The following ZNF287 variants were observed in gnomAD, a reference collection of about 807,000 sequenced individuals.
The protein encoded by ZNF287 is zinc finger protein 287.
ZNF287 carries 31 observed loss-of-function variants against 73.7 expected under a neutral mutation model. The ratio of observed to expected loss-of-function variants is 0.42; its 90% confidence interval spans 0.32 to 0.57. The LOEUF is 0.57. Among genes scored for constraint, ZNF287 ranks in the 20% least tolerant of loss-of-function variants. The pLI, the probability that ZNF287 is intolerant of heterozygous loss-of-function variation, is 0.13. For missense variants in ZNF287, 641 were observed against 909.3 expected (o/e 0.70, Z 3.79); for synonymous variants, 301 against 307.2 (o/e 0.98, Z 0.21).
intron 3 of ZNF287, among the ~76,000 whole-genome samples, chr17:16,564,123 A>T (rs1907610183): frequency 6.6e-6 from 1 of 152,202 alleles, no homozygotes; most frequent in South Asian, 2.1e-4. Context: ...TTTAAAAGAG[A>T]CAGAGTCTCG....
rs1298592273 is a variant in ZNF287, at chr17:16,547,246, A to T, written c.*4610T>A. On this transcript the variant is annotated 3_prime_UTR_variant, in exon 6 of 6. Coordinates refer to ENST00000395825, the MANE Select transcript of ZNF287 (RefSeq NM_020653.4). ...GCCTTAAGAGATGTGATGGGAAAGG[A>T]GGGCTATTAGCTTATAAACACCGTA... 6.6e-6 allele frequency among the ~76,000 whole-genome samples: 1 copy of T among 152,196 alleles called. No individual in the cohort carries two copies. The highest frequency in any genetic ancestry group is 2.4e-5 in the African/African-American group (1 of 41,452).
rs779824631 is a variant in ZNF287 at position 16,552,751 on chromosome 17, C to G, written c.1391G>C (p.Arg464Pro). 1 of 1,613,922 alleles carries G rather than the reference C, an allele frequency of 6.2e-7. No individual in the cohort carries two copies. Among genetic ancestry groups the G allele is most frequent in the African/African-American group, 1.3e-5 (1 of 74,878 alleles). Reference protein sequence around the residue: ...CDDCGKDFSQRAHLTIHQRTH... With the variant: ...CDDCGKDFSQPAHLTIHQRTH... ...CCTTTGATGGATGGTAAGGTGTGCA[C>G]GCTGACTGAAGTCTTTCCCACAGTC... The change falls in exon 6 of 6, where the codon CGT becomes CCT. Residue 464 changes from arginine to proline, a missense_variant. Arg to Pro is a moderately radical substitution (Grantham distance 103). Around this residue, in one of 2 missense-constraint regions of ZNF287, gnomAD observed 284 missense variants for 466.8 expected, o/e 0.61. Transcript: ENST00000395825. The surrounding 1 kb of genome is among the most constrained non-coding windows in gnomAD (Gnocchi z 6.5).
At chr17:16,555,623 CACACACACACACACACA>C (rs1906998137) in intron 5 of ZNF287, among the ~76,000 whole-genome samples, 1 of 151,738 alleles carries the variant, frequency 6.6e-6, no homozygotes, top group African/African-American at 2.4e-5. Flanking sequence ...CACACACACA[CACACACACACACACACA>C]CCCCAAACCA....
intron 5 of ZNF287, among the ~76,000 whole-genome samples, chr17:16,555,601 A>AAC (rs201011881): frequency 0.17 from 22,312 of 128,036 alleles, 1,708 homozygotes; most frequent in Non-Finnish European, 0.19. Flanking sequence ...CACATAACCA[A>AAC]ACACACACAC....
chr17:16,555,466 A>T (rs1906985604), intron 5 of ZNF287, among the ~76,000 whole-genome samples: 1 of 152,126 alleles, frequency 6.6e-6, no homozygotes, highest in Non-Finnish European at 1.5e-5. Context: ...CTTCTTTCAC[A>T]TTTCGTTTAG....
At position 16,567,498 on chromosome 17, in the gene ZNF287, C is replaced by T. The variant is rs752269871; in HGVS notation, c.234G>A (p.Leu78=). ...SQLRELCLKW[L]RPEIHSKEQI... is the part of the protein sequence containing the mutation. Reference sequence around the variant, plus strand: ...GTTCCTTTGAGTGAATCTCAGGTCTCAGCCACTTAAGGCAGAGCTCTCGGA... The same window carrying T: ...GTTCCTTTGAGTGAATCTCAGGTCTTAGCCACTTAAGGCAGAGCTCTCGGA... The change falls in exon 2 of 6, where the codon CTG becomes CTA. Residue 78 remains leucine (L), a synonymous_variant. Coordinates refer to ENST00000395825, the MANE Select transcript of ZNF287 (RefSeq NM_020653.4). The T allele has an allele frequency of 6.2e-7, 1 of 1,614,216 alleles. No individual in the cohort carries two copies. Among genetic ancestry groups the T allele is most frequent in the Non-Finnish European group, 8.5e-7 (1 of 1,180,040 alleles).
In ZNF287 at chr17:16,555,640, A is replaced by C. The variant is rs529656822; in HGVS notation, c.716-2214T>G. The stretch of plus-strand genomic sequence containing the variant: ...CACACACACACACACACACACACAC[A>C]CCCCAAACCAAACCAAAAAGGTTGA... On this transcript the variant is annotated intron_variant, in intron 5 of 5. Coordinates refer to ENST00000395825, the MANE Select transcript of ZNF287 (RefSeq NM_020653.4). Among the ~76,000 whole-genome samples the C allele has an allele frequency of 4.8e-3, 715 of 147,570 alleles. 3 individuals carry two copies. Among genetic ancestry groups the C allele is most frequent in the South Asian group, 0.013 (60 of 4,706 alleles).
intron 5 of ZNF287, among the ~76,000 whole-genome samples, chr17:16,561,459 TATTA>T (rs1907448836): frequency 6.6e-6 from 1 of 152,196 alleles, no homozygotes; most frequent in African/African-American, 2.4e-5. Context: ...ACAGATGACT[TATTA>T]ATCACAAAGA....
intron 5 of ZNF287, chr17:16,558,469 A>G (rs1283623286): frequency 1.3e-5 from 2 of 152,084 alleles, no homozygotes; most frequent in Admixed American, 1.3e-4. Flanking sequence ...GTTAATTAAA[A>G]AAAATTTTTT....
intron 5 of ZNF287, among the ~76,000 whole-genome samples, chr17:16,560,345 G>A (rs1483615509): frequency 6.9e-6 from 1 of 145,868 alleles, no homozygotes; most frequent in Non-Finnish European, 1.5e-5. Context: ...GGGTGGGGGA[G>A]GGAGAGCTCT....
rs72013133 is a variant in ZNF287 at position 16,551,007 on chromosome 17, TCATAA to T, written c.*844_*848del. Among the ~76,000 whole-genome samples, 15,748 of 152,092 alleles carry T rather than the reference TCATAA, an allele frequency of 0.1. 1,729 individuals carry two copies. The highest frequency in any genetic ancestry group is 0.28 in the African/African-American group (11,545 of 41,382). ...AATGTTATATACACATTAGTTTCTA[TCATAA>T]CATATCTTTCATTAAGCTTCTCTTT... On this transcript the variant is annotated 3_prime_UTR_variant, in exon 6 of 6. Transcript: ENST00000395825.
intron 5 of ZNF287, among the ~76,000 whole-genome samples, chr17:16,558,794 T>C (rs1227901809): frequency 6.6e-6 from 1 of 152,058 alleles, no homozygotes; most frequent in Non-Finnish European, 1.5e-5. Flanking sequence ...CTGGGAAACA[T>C]GGCAAGACCC....
chr17:16,561,254 C>T (rs1246408918), intron 5 of ZNF287, among the ~76,000 whole-genome samples: 1 of 151,956 alleles, frequency 6.6e-6, no homozygotes, highest in African/African-American at 2.4e-5. Context: ...GCAGAGGTTG[C>T]AGTGAGAGGA....
rs1385546996 is a variant in ZNF287 at position 16,567,423 on chromosome 17, A to T, written c.309T>A (p.Gly103=). The T allele has an allele frequency of 1.2e-6, 2 of 1,613,906 alleles. No individual in the cohort carries two copies. Among genetic ancestry groups the T allele is most frequent in the African/African-American group, 1.3e-5 (1 of 74,866 alleles). The change falls in exon 2 of 6, where the codon GGT becomes GGA. Residue 103 remains glycine, a synonymous_variant. Coordinates refer to ENST00000395825, the MANE Select transcript of ZNF287 (RefSeq NM_020653.4). The part of the protein sequence containing the change: ...VLEQFLTILP[G]EVRTWVKSQY... ...GGGACTTTACCCAAGTCCTAACCTC[A>T]CCAGGCAGGATGGTCAGGAATTGCT...
Position 16,551,439 on chromosome 17 carries a change from A to G in ZNF287, c.*417T>C, listed in dbSNP as rs771210004. The stretch of plus-strand genomic sequence containing the variant: ...AAAGCACATTATTCAGGGATGGGAA[A>G]CCTGCATAGATGTAGGGCTTTTCAT... On this transcript the variant is annotated 3_prime_UTR_variant, in exon 6 of 6. Transcript: ENST00000395825. 3.5e-5 allele frequency: 6 copies of G among 169,032 alleles called. No homozygotes were observed. The highest frequency in any genetic ancestry group is 5.1e-5 in the Non-Finnish European group (4 of 78,820). 10.5% of individuals were successfully genotyped at this position (169,032 alleles called of 1,614,324 possible).
intron 5 of ZNF287, among the ~76,000 whole-genome samples, chr17:16,557,235 C>A (rs1438577162): frequency 2.0e-5 from 3 of 152,028 alleles, no homozygotes. Context: ...TCACTAAAAC[C>A]AGAAAGGATT....
At chr17:16,566,436 TG>T (rs1466126051) in intron 3 of ZNF287, 88 bp downstream of exon 3, 17 of 1,053,934 alleles carry the variant, frequency 1.6e-5, no homozygotes, top group Non-Finnish European at 2.4e-5. Flanking sequence ...ATAGAGCTTC[TG>T]GGGGCACAGT....
At chr17:16,563,351 A>C in intron 4 of ZNF287, 119 bp from the exon 5 acceptor site, 1 of 678,540 alleles carries the variant, frequency 1.5e-6, no homozygotes. Flanking sequence ...TAGTTCATGG[A>C]CATGATCTAA....
intron 5 of ZNF287, 58 bp downstream of exon 5, chr17:16,563,088 C>T: frequency 7.5e-7 from 1 of 1,339,162 alleles, no homozygotes; most frequent in Non-Finnish European, 1.1e-6. Context: ...CATTTCTCAC[C>T]ACATTTAGGA....
Sources: gnomAD v4.1 joint callset for allele counts (sites outside exome capture counted in the v4.1 genomes callset) on GRCh38, gnomAD v4.1.1 for gene constraint, gnomAD v4.1.1 regional missense constraint, Gnocchi (gnomAD v3.1) non-coding constraint, MANE v1.5 for transcripts, NCBI Gene and HGNC (gene_info 2026-07-23, HGNC 2026-07-21) for gene names.